Variants in PARP10 observed in about 807,000 individuals in gnomAD.
PARP10 encodes poly(ADP-ribose) polymerase family member 10, also known as protein mono-ADP-ribosyltransferase PARP10.
In PARP10, 56 loss-of-function variants were observed where a neutral mutation model predicts 82.4. That is an observed-to-expected ratio of 0.68 (90% CI 0.55 to 0.85). PARP10 has a LOEUF of 0.85. Among genes scored for constraint, PARP10 ranks in the 40% least tolerant of loss-of-function variants. The pLI, the probability that PARP10 is intolerant of heterozygous loss-of-function variation, is 0.00. For missense variants in PARP10, 1,227 were observed against 1,379.4 expected, an observed-to-expected ratio of 0.89 and a Z score of 1.75; for synonymous variants, 576 against 601.1, an observed-to-expected ratio of 0.96 and a Z score of 0.61.
At position 143,977,756 on chromosome 8, in the gene PARP10, TG is replaced by T. The variant is rs1375069936; in HGVS notation, c.2805del (p.Asn936ThrfsTer14). The T allele has an allele frequency of 1.9e-6, 3 of 1,604,178 alleles. No individual in the cohort carries two copies. The highest frequency in any genetic ancestry group is 1.7e-6 in the Non-Finnish European group (2 of 1,176,182). ...SLSVQDRYSP[P>X]NADGHKAVFV... ...AACACCGCCTTATGGCCATCGGCGT[TG>T]GGGGGCGAGTAGCGGTCCTGCACCG... On this transcript the variant is annotated frameshift_variant, in exon 11 of 11. Coordinates refer to ENST00000313028, the MANE Select transcript of PARP10 (RefSeq NM_032789.5). LOFTEE classifies it low-confidence loss of function (END_TRUNC).
chr8:144,012,442 A>C, intron 1 of PARP10: 11 of 1,313,876 alleles, frequency 8.4e-6, no homozygotes, highest in Non-Finnish European at 1.2e-5. Flanking sequence ...CAGCCCAGGC[A>C]AGGCCTGGGG....
At chr8:143,991,544 C>A (rs1554750486), upstream of PARP10, 8 of 1,549,002 alleles carry the variant, frequency 5.2e-6, no homozygotes, top group Non-Finnish European at 7.1e-6. Flanking sequence ...ATCCCCAGAG[C>A]CCCTTCCCCC....
chr8:143,992,512 G>T (rs983717286), upstream of PARP10: 1 of 1,614,160 alleles, frequency 6.2e-7, no homozygotes, highest in Non-Finnish European at 8.5e-7. Flanking sequence ...TGGTGAGCAT[G>T]GTGGTGCTCT....
chr8:143,977,807 A>G lies in PARP10; in HGVS notation c.2755T>C (p.Tyr919His), dbSNP rs1554746651. 3 of 1,601,438 alleles carry G rather than the reference A, an allele frequency of 1.9e-6. No homozygotes were observed. The Admixed American group carries it at 5.1e-5, about 27-fold the overall frequency. The change falls in exon 11 of 11, where the codon TAT (tyrosine) becomes CAT (histidine). Residue 919 changes from tyrosine to histidine, a missense_variant. Transcript: ENST00000313028. ...RNATVYGKGV[Y>H]FARRASLSVQ... ...GACAGGGAGGCGCGCCTGGCGAAAT[A>G]CACGCCCTTCCCGTAGACCGTGGCT...
chr8:144,002,763 C>T (rs568611337), intron 1 of PARP10, among the ~76,000 whole-genome samples: 10 of 152,148 alleles, frequency 6.6e-5, no homozygotes, highest in African/African-American at 2.2e-4. Context: ...CAAAAACATT[C>T]AACACTATTC....
intron 1 of PARP10, among the ~76,000 whole-genome samples, chr8:144,005,744 C>T (rs1834232115): frequency 6.6e-6 from 1 of 152,186 alleles, no homozygotes; most frequent in South Asian, 2.1e-4. Flanking sequence ...TGGCTGTCCC[C>T]TCCACCTGGA....
At chr8:143,987,870 G>A (rs1554749715), upstream of PARP10, among the ~76,000 whole-genome samples, 2 of 151,530 alleles carry the variant, frequency 1.3e-5, no homozygotes, top group South Asian at 4.2e-4. Context: ...CAACCAAGGT[G>A]ATAGAGTGAG....
At chr8:143,992,787 C>T (rs781889637), upstream of PARP10, 40 of 1,613,706 alleles carry the variant, frequency 2.5e-5, no homozygotes, top group Non-Finnish European at 3.1e-5. Flanking sequence ...TGTACACAGA[C>T]ATCATCAACA....
chr8:143,992,635 G>A (rs1362910049), upstream of PARP10: 2 of 1,613,950 alleles, frequency 1.2e-6, no homozygotes, highest in East Asian at 2.2e-5. Context: ...CTTGGCCGGG[G>A]GCGGGATGCT....
chr8:143,995,758 G>C (rs782471593), upstream of PARP10, among the ~76,000 whole-genome samples: 2 of 152,064 alleles, frequency 1.3e-5, no homozygotes, highest in Non-Finnish European at 2.9e-5. Flanking sequence ...AAATTGCATA[G>C]AACATCAACA....
At chr8:144,000,177 T>C (rs1322587334) in intron 1 of PARP10, among the ~76,000 whole-genome samples, 2 of 152,206 alleles carry the variant, frequency 1.3e-5, no homozygotes, top group Non-Finnish European at 2.9e-5. Flanking sequence ...TAATCCCCAG[T>C]ACCTCAGAGT....
At chr8:144,010,146 G>T (rs1834263997) in intron 1 of PARP10, among the ~76,000 whole-genome samples, 1 of 152,194 alleles carries the variant, frequency 6.6e-6, no homozygotes. Flanking sequence ...AACTGGATCT[G>T]GCCCACCTGC....
Position 143,977,211 on chromosome 8 carries a change from C to G in PARP10, c.*273G>C, listed in dbSNP as rs1376893650. The G allele has an allele frequency of 1.6e-5, 8 of 503,868 alleles. No homozygotes were observed. The African/African-American group carries it at 1.6e-4, about 10-fold the overall frequency. The allele number at this position is 503,868 out of a possible 1,614,324, so 31.2% of individuals were successfully genotyped here. On this transcript the variant is annotated 3_prime_UTR_variant, in exon 11 of 11. Coordinates refer to ENST00000313028, the MANE Select transcript of PARP10 (RefSeq NM_032789.5). The stretch of plus-strand genomic sequence containing the variant: ...GTTCACGTTTATTCAAACAACAGAG[C>G]CGACTCGGGCGAGGTCTGGGAGCGG...
intron 1 of PARP10, among the ~76,000 whole-genome samples, chr8:144,001,464 T>A (rs1834202160): frequency 6.6e-6 from 1 of 152,062 alleles, no homozygotes; most frequent in African/African-American, 2.4e-5. Context: ...CCCAGCACTT[T>A]GGGAGGCCGA....
At chr8:144,003,609 C>T (rs569589767) in intron 1 of PARP10, among the ~76,000 whole-genome samples, 75 of 152,204 alleles carry the variant, frequency 4.9e-4, no homozygotes, top group African/African-American at 1.8e-3. Flanking sequence ...AGAAAACAGT[C>T]CCAGGCAAAG....
chr8:143,982,406 GGAGCTTGCCGT>G (rs1833884742), intron 9 of PARP10, among the ~76,000 whole-genome samples: 1 of 152,132 alleles, frequency 6.6e-6, no homozygotes, highest in African/African-American at 2.4e-5. Flanking sequence ...CCCGGGAGGC[GGAGCTTGCCGT>G]GAGCCGAGAT....
chr8:143,985,884 C>A lies in PARP10; in HGVS notation c.273G>T (p.Leu91=), dbSNP rs1009678040. The change falls in exon 3 of 11, where the codon CTG becomes CTT. Residue 91 remains leucine (L), a synonymous_variant. Coordinates refer to ENST00000313028, the MANE Select transcript of PARP10 (RefSeq NM_032789.5). ...TGCCAGGGGGCAGTCCTTGGAGCAGCAGGCGTGCAGGGGCTCGTGGTGGAG... is the reference window on the plus strand; with the variant it reads ...TGCCAGGGGGCAGTCCTTGGAGCAGAAGGCGTGCAGGGGCTCGTGGTGGAG... The part of the protein sequence containing the change: ...RPAPPRAPAR[L]LLQGLPPGTT... 1.3e-6 allele frequency: 2 copies of A among 1,594,154 alleles called. No individual in the cohort carries two copies. The highest frequency in any genetic ancestry group is 2.7e-5 in the African/African-American group (2 of 74,676).
At position 143,984,982 on chromosome 8, in the gene PARP10, C is replaced by T; in HGVS notation, c.1020G>A (p.Met340Ile). The T allele has an allele frequency of 1.2e-6, 2 of 1,613,990 alleles. No homozygotes were observed. The highest frequency in any genetic ancestry group is 2.2e-5 in the South Asian group (2 of 91,066). The change falls in exon 5 of 11, where the codon ATG becomes ATA. Residue 340 changes from methionine (M) to isoleucine (I), a missense_variant. By Grantham distance (10) the Met-to-Ile change is conservative. Transcript: ENST00000313028. Reference protein sequence around the residue: ...QSGTSLRTGPMGSLGQAEQVS... With the variant: ...QSGTSLRTGPIGSLGQAEQVS... ...CTTGCTCTGCCTGTCCCAGAGACCC[C>T]ATGGGACCTGTCCTCAGAGAGGTCC...
rs73377263 is a variant in PARP10, at chr8:143,984,145, G to A, written c.1681-41C>T. On this transcript the variant is annotated intron_variant, in intron 6 of 10. Transcript: ENST00000313028. Reference sequence around the variant, plus strand: ...GTCAGGACCACTAGCCTCTGGGCAAGGGCAGAGGAGGCCTGGGGCAGAGGC... The same window carrying A: ...GTCAGGACCACTAGCCTCTGGGCAAAGGCAGAGGAGGCCTGGGGCAGAGGC... 1,870 of 1,574,568 alleles carry A rather than the reference G, an allele frequency of 1.2e-3. 26 individuals carry two copies. In the African/African-American group the frequency reaches 0.023, roughly 20 times the overall value.
Sources: allele counts gnomAD v4.1 joint callset (sites outside exome capture counted in the v4.1 genomes callset), GRCh38; gene constraint gnomAD v4.1.1; transcripts MANE v1.5; gene names NCBI Gene and HGNC (gene_info 2026-07-23, HGNC 2026-07-21).